The following RSU1 variants were observed in gnomAD, a reference collection of about 807,000 sequenced individuals.
RSU1 encodes the protein Ras suppressor protein 1.
In RSU1, 26 loss-of-function variants were observed where a neutral mutation model predicts 31.1. The observed-to-expected ratio is 0.84, with a 90% confidence interval of 0.61 to 1.16. The LOEUF (loss-of-function observed/expected upper bound fraction) is 1.16. Among genes scored for constraint, RSU1 ranks in the 50% most tolerant of loss-of-function variants. The pLI, the probability that RSU1 is intolerant of heterozygous loss-of-function variation, is 0.00. For missense variants in RSU1, 320 were observed against 339.1 expected (o/e 0.94, Z 0.44); for synonymous variants, 164 against 136.3 (o/e 1.20, Z -1.41).
At chr10:16,758,925 G>C (rs1430134168) in intron 4 of RSU1, among the ~76,000 whole-genome samples, 1 of 152,156 alleles carries the variant, frequency 6.6e-6, no homozygotes, top group East Asian at 1.9e-4. Flanking sequence ...CAATTCTTTT[G>C]TTTGCATGGG....
chr10:16,714,624 T>A (rs116235382), intron 7 of RSU1, among the ~76,000 whole-genome samples: 2,582 of 152,154 alleles, frequency 0.017, 30 homozygotes, highest in Non-Finnish European at 0.025. Context: ...ATGTGGTGTG[T>A]CACTTGGGTT....
At chr10:16,620,801 CGCCACT>C (rs1307431789) in intron 8 of RSU1, among the ~76,000 whole-genome samples, 2 of 151,130 alleles carry the variant, frequency 1.3e-5, no homozygotes, top group East Asian at 3.9e-4. Context: ...GCTGAGATCG[CGCCACT>C]GCACTCCAGC....
At chr10:16,691,899 C>G (rs915057567) in intron 8 of RSU1, among the ~76,000 whole-genome samples, 1 of 151,816 alleles carries the variant, frequency 6.6e-6, no homozygotes, top group Admixed American at 6.6e-5. Context: ...CCACCACACT[C>G]GGCTAATTTT....
At chr10:16,669,035 G>A (rs1835053720) in intron 8 of RSU1, among the ~76,000 whole-genome samples, 1 of 152,164 alleles carries the variant, frequency 6.6e-6, no homozygotes, top group Non-Finnish European at 1.5e-5. Context: ...TTCTGTAGCG[G>A]TTCAAGCCTC....
intron 7 of RSU1, among the ~76,000 whole-genome samples, chr10:16,709,475 T>C (rs373641631): frequency 8.5e-5 from 13 of 152,320 alleles, no homozygotes; most frequent in African/African-American, 2.9e-4. Flanking sequence ...TGTGTCTTTA[T>C]AGCAGCATGA....
chr10:16,648,035 A>G (rs1252168245), intron 8 of RSU1, among the ~76,000 whole-genome samples: 10 of 151,634 alleles, frequency 6.6e-5, no homozygotes, highest in African/African-American at 9.7e-5. Context: ...TGCAGCCTTG[A>G]CCTGCTGGGT....
intron 2 of RSU1, among the ~76,000 whole-genome samples, chr10:16,811,847 G>T (rs1192462138): frequency 1.3e-5 from 2 of 152,176 alleles, no homozygotes; most frequent in Non-Finnish European, 2.9e-5. Flanking sequence ...ACTAAAAGCA[G>T]TAACATTCCT....
chr10:16,808,744 A>G (rs940947968), intron 2 of RSU1, among the ~76,000 whole-genome samples: 1 of 152,202 alleles, frequency 6.6e-6, no homozygotes, highest in African/African-American at 2.4e-5. Context: ...CTGAAGCCCC[A>G]ATCCCAAATA....
chr10:16,753,566 G>A (rs1837022676), intron 5 of RSU1, among the ~76,000 whole-genome samples: 1 of 152,172 alleles, frequency 6.6e-6, no homozygotes, highest in Non-Finnish European at 1.5e-5. Context: ...AAGGACAAAA[G>A]TAAATGAAGA....
chr10:16,727,592 T>C, intron 7 of RSU1, among the ~76,000 whole-genome samples: 1 of 152,202 alleles, frequency 6.6e-6, no homozygotes, highest in East Asian at 1.9e-4. Flanking sequence ...GCGCAAGTTC[T>C]GGGAAACTCT....
chr10:16,714,244 G>A (rs1317749224), intron 7 of RSU1, among the ~76,000 whole-genome samples: 1 of 152,182 alleles, frequency 6.6e-6, no homozygotes, highest in Non-Finnish European at 1.5e-5. Flanking sequence ...TGTGCCAGCT[G>A]CACATAGGTG....
intron 4 of RSU1, among the ~76,000 whole-genome samples, chr10:16,756,016 C>T (rs1238934064): frequency 6.6e-6 from 1 of 152,178 alleles, no homozygotes; most frequent in Non-Finnish European, 1.5e-5. Context: ...TCCCTATGAA[C>T]GTAGTGATAA....
chr10:16,771,080 G>C (rs1260530144), intron 3 of RSU1, among the ~76,000 whole-genome samples: 1 of 151,906 alleles, frequency 6.6e-6, no homozygotes, highest in Non-Finnish European at 1.5e-5. Flanking sequence ...TAGAAGGACA[G>C]AGGATGGCAG....
intron 2 of RSU1, among the ~76,000 whole-genome samples, chr10:16,796,704 C>A (rs1262793805): frequency 6.6e-6 from 1 of 151,310 alleles, no homozygotes; most frequent in African/African-American, 2.4e-5. Context: ...TCCCACTGTA[C>A]CAAGGAGGAA....
Position 16,592,418 on chromosome 10 carries a change from A to C in RSU1, c.*976T>G, listed in dbSNP as rs1564278706. 1 of 151,500 alleles carries C rather than the reference A, an allele frequency of 6.6e-6. No individual in the cohort carries two copies. The highest frequency in any genetic ancestry group is 1.5e-5 in the Non-Finnish European group (1 of 67,590). 9.4% of individuals were successfully genotyped at this position (151,500 alleles called of 1,614,324 possible). ...TGCCTATCACAGATGTTAAACAAAC[A>C]ATTGATTGTTTAATGACTCTGCAAC... On this transcript the variant is annotated 3_prime_UTR_variant, in exon 9 of 9. Transcript: ENST00000345264.
chr10:16,677,716 T>A (rs1391967457), intron 8 of RSU1, among the ~76,000 whole-genome samples: 2 of 152,212 alleles, frequency 1.3e-5, no homozygotes, highest in Non-Finnish European at 2.9e-5. Flanking sequence ...GCAGAGACTG[T>A]CTTCAGAAAA....
rs1004318055 is a variant in RSU1 at position 16,590,851 on chromosome 10, A to C, written c.*2543T>G. Reference sequence around the variant, plus strand: ...GACCATCCTTATATAGTTAGTTTTAAAAATCTTGCTTTTTCTGTTTAATCA... The same window carrying C: ...GACCATCCTTATATAGTTAGTTTTACAAATCTTGCTTTTTCTGTTTAATCA... On this transcript the variant is annotated 3_prime_UTR_variant, in exon 9 of 9. Coordinates refer to ENST00000345264, the MANE Select transcript of RSU1 (RefSeq NM_012425.4). 1 of 152,196 alleles carries C rather than the reference A, an allele frequency of 6.6e-6. No individual in the cohort carries two copies. Among genetic ancestry groups the C allele is most frequent in the African/African-American group, 2.4e-5 (1 of 41,444 alleles). The allele number at this position is 152,196 out of a possible 1,614,324, so 9.4% of individuals were successfully genotyped here.
intron 7 of RSU1, among the ~76,000 whole-genome samples, chr10:16,718,443 G>A (rs1007878912): frequency 2.6e-5 from 4 of 152,084 alleles, no homozygotes; most frequent in African/African-American, 9.7e-5. Context: ...ATCCTGATCT[G>A]GAAAGTCAAA....
At chr10:16,649,077 G>A (rs1336555751) in intron 8 of RSU1, among the ~76,000 whole-genome samples, 1 of 152,144 alleles carries the variant, frequency 6.6e-6, no homozygotes, top group African/African-American at 2.4e-5. Context: ...AGAACTTTAT[G>A]AGCTTGCTTA....
Sources: allele counts gnomAD v4.1 joint callset (sites outside exome capture counted in the v4.1 genomes callset), GRCh38; gene constraint gnomAD v4.1.1; transcripts MANE v1.5; gene names NCBI Gene and HGNC (gene_info 2026-07-23, HGNC 2026-07-21).